CD2AP: variants seen among roughly 807,000 people sequenced by gnomAD.
The protein encoded by CD2AP is CD2 associated protein.
In CD2AP, 46 loss-of-function variants were observed where a neutral mutation model predicts 85.1. That is an observed-to-expected ratio of 0.54 (90% CI 0.43 to 0.69). The LOEUF is 0.69. CD2AP is among the 30% of genes least tolerant of loss of function. The pLI is 0.00. For missense variants in CD2AP, 769 were observed against 729.5 expected (o/e 1.05, Z -0.62); for synonymous variants, 255 against 252.9 (o/e 1.01, Z -0.08).
At chr6:47,588,037 G>A (rs1768677671) in intron 11 of CD2AP, among the ~76,000 whole-genome samples, 2 of 152,080 alleles carry the variant, frequency 1.3e-5, no homozygotes, top group African/African-American at 4.8e-5. Flanking sequence ...CCGTGTGTTT[G>A]CAGTTCCATC....
At chr6:47,553,381 A>G (rs1432407481) in intron 4 of CD2AP, among the ~76,000 whole-genome samples, 3 of 147,300 alleles carry the variant, frequency 2.0e-5, no homozygotes, top group Admixed American at 6.8e-5. Flanking sequence ...GAGTCTCACT[A>G]TGTTGCCCAG....
At chr6:47,511,629 AAAT>A (rs1349492599) in intron 2 of CD2AP, among the ~76,000 whole-genome samples, 1 of 152,226 alleles carries the variant, frequency 6.6e-6, no homozygotes, top group Non-Finnish European at 1.5e-5. Context: ...ACTCTTCTGT[AAAT>A]CTTTTTATTC....
At chr6:47,580,173 A>G (rs1768435664) in intron 9 of CD2AP, among the ~76,000 whole-genome samples, 1 of 152,198 alleles carries the variant, frequency 6.6e-6, no homozygotes, top group South Asian at 2.1e-4. Flanking sequence ...GTATTGATTC[A>G]GCCTTCATAT....
At chr6:47,563,002 C>G (rs1489055521) in intron 5 of CD2AP, 3 of 387,930 alleles carry the variant, frequency 7.7e-6, no homozygotes, top group Non-Finnish European at 1.4e-5. Context: ...ATCGAAGAGT[C>G]CTTCAAATGC....
At chr6:47,614,861 G>A (rs559747012) in intron 17 of CD2AP, among the ~76,000 whole-genome samples, 2 of 152,166 alleles carry the variant, frequency 1.3e-5, no homozygotes, top group Non-Finnish European at 2.9e-5. Flanking sequence ...ACATATGGCT[G>A]TAGATTCACT....
intron 3 of CD2AP, among the ~76,000 whole-genome samples, chr6:47,539,951 G>T (rs992880254): frequency 2.0e-5 from 3 of 151,882 alleles, no homozygotes; most frequent in African/African-American, 7.3e-5. Flanking sequence ...GGCTGAGGTG[G>T]GTGGATCACT....
intron 16 of CD2AP, among the ~76,000 whole-genome samples, chr6:47,611,913 A>G (rs965076058): frequency 6.6e-6 from 1 of 152,142 alleles, no homozygotes; most frequent in African/African-American, 2.4e-5. Flanking sequence ...TTAAAGCTAT[A>G]GAAAAAAGGA....
chr6:47,490,185 A>G (rs1231625409), intron 1 of CD2AP, among the ~76,000 whole-genome samples: 1 of 152,082 alleles, frequency 6.6e-6, no homozygotes, highest in Non-Finnish European at 1.5e-5. Context: ...GTCTTGCCAT[A>G]TTGCCCAGGC....
rs1345794208 is a variant in CD2AP, at chr6:47,606,270, G to A, written c.1523G>A (p.Gly508Glu). Residue 508 changes from glycine to glutamate, a missense_variant, in exon 14 of 18, where the codon GGA (glycine) becomes GAA (glutamate). Transcript: ENST00000359314. ...GRRLPGRFNGGHSPTHSPEKI... is the reference protein window; with the variant it reads ...GRRLPGRFNGEHSPTHSPEKI... The stretch of plus-strand genomic sequence containing the variant: ...AGGTTGCCGGGCCGTTTCAATGGTG[G>A]ACATTCTGTGAGTTCATCTAATTGT... The A allele has an allele frequency of 6.4e-7, 1 of 1,560,988 alleles. No homozygotes were observed. Among genetic ancestry groups the A allele is most frequent in the East Asian group, 2.2e-5 (1 of 44,596 alleles).
intron 2 of CD2AP, among the ~76,000 whole-genome samples, chr6:47,530,766 A>G (rs1293361255): frequency 3.3e-5 from 5 of 152,206 alleles, no homozygotes; most frequent in African/African-American, 1.2e-4. Flanking sequence ...TGAAAATGCT[A>G]AAGAGCAGAA....
chr6:47,554,075 G>A (rs1328666519), intron 4 of CD2AP, among the ~76,000 whole-genome samples: 3 of 152,002 alleles, frequency 2.0e-5, no homozygotes, highest in African/African-American at 7.2e-5. Flanking sequence ...ACCATGCCCA[G>A]CTAACTTTCG....
chr6:47,486,687 C>T (rs1765574316), intron 1 of CD2AP, among the ~76,000 whole-genome samples: 1 of 152,176 alleles, frequency 6.6e-6, no homozygotes. Flanking sequence ...AATATTAAAA[C>T]TGTCTTATCC....
chr6:47,478,355 G>T, intron 1 of CD2AP, 107 bp downstream of exon 1: 1 of 1,276,268 alleles, frequency 7.8e-7, no homozygotes, highest in Non-Finnish European at 1.1e-6. Context: ...GCCCCTGAGC[G>T]GCAGCACCCC....
rs1765350109 is a variant in CD2AP at position 47,478,128 on chromosome 6, G to T, written c.-117G>T. 1 of 1,343,854 alleles carries T rather than the reference G, an allele frequency of 7.4e-7. No individual in the cohort carries two copies. Among genetic ancestry groups the T allele is most frequent in the Non-Finnish European group, 1.0e-6 (1 of 961,030 alleles). 83.2% of individuals were successfully genotyped at this position (1,343,854 alleles called of 1,614,324 possible). On this transcript the variant is annotated 5_prime_UTR_variant, in exon 1 of 18. Transcript: ENST00000359314. Reference sequence around the variant, plus strand: ...GACTCTTCGCCCCGCCTGAGCTCAGGAGGGGCTAGCGCGGAGCGCGGGTCC... The same window carrying T: ...GACTCTTCGCCCCGCCTGAGCTCAGTAGGGGCTAGCGCGGAGCGCGGGTCC...
At chr6:47,558,748 A>T (rs546407696) in intron 5 of CD2AP, among the ~76,000 whole-genome samples, 12 of 152,306 alleles carry the variant, frequency 7.9e-5, no homozygotes, top group Admixed American at 2.6e-4. Context: ...GGATTTTCGC[A>T]TTGATGTTCA....
At chr6:47,591,942 G>A (rs114684558) in intron 11 of CD2AP, among the ~76,000 whole-genome samples, 442 of 152,014 alleles carry the variant, frequency 2.9e-3, no homozygotes, top group African/African-American at 9.5e-3. Flanking sequence ...CTCTCACCTC[G>A]GCCTCCAGAG....
At chr6:47,551,383 A>C (rs538211284) in intron 4 of CD2AP, among the ~76,000 whole-genome samples, 232 of 152,282 alleles carry the variant, frequency 1.5e-3, no homozygotes, top group African/African-American at 5.4e-3. Flanking sequence ...ATGTTTATAC[A>C]AACTTAGATT....
At chr6:47,529,188 C>T (rs1289002287) in intron 2 of CD2AP, among the ~76,000 whole-genome samples, 5 of 24,528 alleles carry the variant, frequency 2.0e-4, no homozygotes, top group Non-Finnish European at 4.4e-4. Flanking sequence ...GTACTGCCCC[C>T]CCCCCCCCCC....
intron 5 of CD2AP, among the ~76,000 whole-genome samples, chr6:47,566,888 A>G (rs1388748100): frequency 6.6e-6 from 1 of 152,172 alleles, no homozygotes; most frequent in Non-Finnish European, 1.5e-5. Flanking sequence ...GGTTGGTTCC[A>G]TGACTGCGAT....
Sources: allele counts gnomAD v4.1 joint callset (sites outside exome capture counted in the v4.1 genomes callset), GRCh38; gene constraint gnomAD v4.1.1; transcripts MANE v1.5; gene names NCBI Gene and HGNC (gene_info 2026-07-23, HGNC 2026-07-21).